Variants in ZNF609 observed in about 807,000 individuals in gnomAD.
The protein encoded by ZNF609 is zinc finger protein 609.
A neutral mutation model predicts 109.5 loss-of-function variants in ZNF609; 11 were observed. The ratio of observed to expected loss-of-function variants is 0.10; its 90% CI spans 0.06 to 0.17. The LOEUF is 0.17. Among genes scored for constraint, ZNF609 ranks in the 10% least tolerant of loss-of-function variants. The pLI is 1.00. For missense variants in ZNF609, 1,559 were observed against 1,772.4 expected (o/e 0.88, Z 2.16); for synonymous variants, 646 against 662.0 (o/e 0.98, Z 0.37).
chr15:64,658,229 G>C (rs1051506004), intron 3 of ZNF609, among the ~76,000 whole-genome samples: 2 of 151,006 alleles, frequency 1.3e-5, no homozygotes, highest in African/African-American at 4.9e-5. Flanking sequence ...ACGGAGTCTT[G>C]CTCTGTTTCC....
At chr15:64,492,631 C>T (rs906901204) in intron 1 of ZNF609, among the ~76,000 whole-genome samples, 2 of 152,174 alleles carry the variant, frequency 1.3e-5, no homozygotes, top group African/African-American at 2.4e-5. Flanking sequence ...ATCCTCTCAC[C>T]TCGGCCTCCC....
intron 2 of ZNF609, among the ~76,000 whole-genome samples, chr15:64,596,600 A>G (rs1595732549): frequency 6.6e-6 from 1 of 152,056 alleles, no homozygotes; most frequent in African/African-American, 2.4e-5. Context: ...CTGATTACCC[A>G]AGGTAGCTCC....
chr15:64,481,319 CTTTTT>C (rs889184379), intron 1 of ZNF609, among the ~76,000 whole-genome samples: 3 of 127,268 alleles, frequency 2.4e-5, no homozygotes, highest in South Asian at 5.1e-4. Context: ...TTTCTTTTTT[CTTTTT>C]TTTTTTTTTT....
chr15:64,597,167 C>A (rs979093520), intron 2 of ZNF609, among the ~76,000 whole-genome samples: 11 of 152,116 alleles, frequency 7.2e-5, no homozygotes, highest in African/African-American at 2.7e-4. Flanking sequence ...GGACTCTAAT[C>A]ACTCTAAGGT....
At chr15:64,597,976 G>A (rs1039859537) in intron 2 of ZNF609, among the ~76,000 whole-genome samples, 5 of 152,064 alleles carry the variant, frequency 3.3e-5, no homozygotes, top group African/African-American at 1.2e-4. Flanking sequence ...AATAAAAAGA[G>A]CATTTTAAAC....
intron 2 of ZNF609, among the ~76,000 whole-genome samples, chr15:64,557,957 T>G (rs1029614404): frequency 2.6e-5 from 4 of 152,162 alleles, no homozygotes; most frequent in African/African-American, 9.7e-5. Flanking sequence ...GTGCTGGGAT[T>G]ACAGGCGTGA....
In ZNF609 at chr15:64,565,232, G is replaced by GTATTAT. The variant is rs60734525; in HGVS notation, c.748-57580_748-57575dup. 4.3e-4 allele frequency among the ~76,000 whole-genome samples: 60 copies of GTATTAT among 138,734 alleles called. 2 individuals are homozygous for GTATTAT. The highest frequency in any genetic ancestry group is 6.7e-4 in the Non-Finnish European group (44 of 65,384). 91.0% of individuals were successfully genotyped at this position (138,734 alleles called of 152,430 possible). A position where few individuals can be genotyped will look rare whatever the true frequency, so the allele number is the denominator to read the frequency against. On this transcript the variant is annotated intron_variant, in intron 2 of 9. Coordinates refer to ENST00000326648, the MANE Select transcript of ZNF609 (RefSeq NM_015042.2). ...GTGCCACCATGCCTGGCTAATTTTT[G>GTATTAT]TATTATTATTATTATTATTACTATT...
intron 1 of ZNF609, among the ~76,000 whole-genome samples, chr15:64,483,099 T>C (rs1031816484): frequency 1.1e-4 from 17 of 152,116 alleles, no homozygotes; most frequent in African/African-American, 3.6e-4. Context: ...TTCTTTCTTT[T>C]TTTTTTTCCC....
intron 2 of ZNF609, among the ~76,000 whole-genome samples, chr15:64,534,397 C>T (rs1416604202): frequency 6.6e-6 from 1 of 152,010 alleles, no homozygotes; most frequent in Non-Finnish European, 1.5e-5. Context: ...CTGCTGCAAC[C>T]TCCGCCTCCC....
At chr15:64,567,808 C>T (rs1331896943) in intron 2 of ZNF609, among the ~76,000 whole-genome samples, 1 of 152,006 alleles carries the variant, frequency 6.6e-6, no homozygotes, top group East Asian at 1.9e-4. Context: ...ACTACAGACA[C>T]GTGCCACCAC....
intron 2 of ZNF609, among the ~76,000 whole-genome samples, chr15:64,512,104 C>A (rs1313613165): frequency 6.6e-6 from 1 of 151,814 alleles, no homozygotes; most frequent in Admixed American, 6.6e-5. Flanking sequence ...TTTTTCATTG[C>A]TCAGTGTACA....
chr15:64,554,375 C>A (rs1187241218), intron 2 of ZNF609, among the ~76,000 whole-genome samples: 1 of 152,174 alleles, frequency 6.6e-6, no homozygotes, highest in Admixed American at 6.5e-5. Flanking sequence ...AGCACAGTGG[C>A]TCACACCTCT....
intron 2 of ZNF609, among the ~76,000 whole-genome samples, chr15:64,603,845 A>G (rs2140951018): frequency 6.6e-6 from 1 of 151,866 alleles, no homozygotes; most frequent in African/African-American, 2.4e-5. Context: ...TAAAAATAAA[A>G]AAAAATAGCC....
chr15:64,542,279 A>G (rs1424793182), intron 2 of ZNF609, among the ~76,000 whole-genome samples: 3 of 152,212 alleles, frequency 2.0e-5, no homozygotes, highest in Non-Finnish European at 4.4e-5. Context: ...TACAATATTT[A>G]TGGGCCTCTT....
chr15:64,495,801 A>T (rs1477053217), intron 1 of ZNF609, among the ~76,000 whole-genome samples: 1 of 143,114 alleles, frequency 7.0e-6, no homozygotes. Flanking sequence ...TAAGTTACAC[A>T]TTTTCATTTT....
intron 2 of ZNF609, among the ~76,000 whole-genome samples, chr15:64,507,904 G>A (rs989832442): frequency 2.6e-5 from 4 of 152,138 alleles, no homozygotes; most frequent in East Asian, 1.9e-4. Context: ...TATTTCTCTC[G>A]GTACAGTTTA....
intron 3 of ZNF609, among the ~76,000 whole-genome samples, chr15:64,645,590 A>G (rs1896324084): frequency 6.6e-6 from 1 of 152,236 alleles, no homozygotes; most frequent in Admixed American, 6.5e-5. Context: ...GATACTACCA[A>G]GAGAATAAAG....
At chr15:64,653,655 T>A (rs1896449084) in intron 3 of ZNF609, among the ~76,000 whole-genome samples, 1 of 147,260 alleles carries the variant, frequency 6.8e-6, no homozygotes, top group Non-Finnish European at 1.5e-5. Flanking sequence ...CCAAAAAAAA[T>A]AAATAAATAA....
intron 1 of ZNF609, among the ~76,000 whole-genome samples, chr15:64,496,712 A>C (rs574569897): frequency 5.3e-5 from 8 of 152,178 alleles, no homozygotes; most frequent in African/African-American, 1.9e-4. Context: ...CTACTATGCT[A>C]TTTCATGGAG....
Sources: gnomAD v4.1 joint callset for allele counts (sites outside exome capture counted in the v4.1 genomes callset) on GRCh38, gnomAD v4.1.1 for gene constraint, MANE v1.5 for transcripts, NCBI Gene and HGNC (gene_info 2026-07-23, HGNC 2026-07-21) for gene names.